Variants in TEX2 observed in about 807,000 individuals in gnomAD.
TEX2 encodes testis expressed 2.
TEX2 carries 53 observed loss-of-function variants against 106.9 expected under a neutral mutation model. The ratio of observed to expected loss-of-function variants is 0.50; its 90% CI spans 0.40 to 0.62. The LOEUF is 0.62. Among genes scored for constraint, TEX2 ranks in the 20% least tolerant of loss-of-function variants. The pLI, the probability that TEX2 is intolerant of heterozygous loss-of-function variation, is 0.00. For missense variants in TEX2, 1,207 were observed against 1,379.0 expected (o/e 0.88, Z 1.98); for synonymous variants, 523 against 534.8 (o/e 0.98, Z 0.30).
chr17:64,152,408 C>T (rs1233564910), intron 10 of TEX2, among the ~76,000 whole-genome samples: 1 of 152,114 alleles, frequency 6.6e-6, no homozygotes, highest in African/African-American at 2.4e-5. Context: ...GCTGAGAATC[C>T]AGTCCTCAGA....
Position 64,241,884 on chromosome 17 carries a change from C to T in TEX2, c.-26+21284G>A, listed in dbSNP as rs115423921. ...CTCGGCTCATGTAATCTTCCTGCCT[C>T]AGCCTCCCAAAGAGCTGGGATTACA... On this transcript the variant is annotated intron_variant, in intron 1 of 11. Coordinates refer to ENST00000584379, the MANE Select transcript of TEX2 (RefSeq NM_001288732.2). Among the ~76,000 whole-genome samples, 814 of 152,322 alleles carry T rather than the reference C, an allele frequency of 5.3e-3. 11 individuals are homozygous for T. Among genetic ancestry groups the T allele is most frequent in the African/African-American group, 0.018 (737 of 41,566 alleles).
At chr17:64,224,050 A>G (rs558034184) in intron 1 of TEX2, among the ~76,000 whole-genome samples, 1 of 152,328 alleles carries the variant, frequency 6.6e-6, no homozygotes, top group South Asian at 2.1e-4. Flanking sequence ...TGTAAAATTC[A>G]GCCTGTTAGG....
chr17:64,171,366 A>C (rs1043051575), intron 6 of TEX2, among the ~76,000 whole-genome samples, 167 bp from the exon 7 acceptor site: 28 of 152,326 alleles, frequency 1.8e-4, no homozygotes, highest in Non-Finnish European at 3.2e-4. Flanking sequence ...TTCGTACTCC[A>C]GACAGAGCCA....
chr17:64,160,957 A>G (rs751362617), intron 7 of TEX2, 24 bp from the exon 8 acceptor site: 1 of 1,602,366 alleles, frequency 6.2e-7, no homozygotes, highest in South Asian at 1.1e-5. Context: ...GAAAAAACAG[A>G]AGGTTTTTTT....
At chr17:64,160,651 C>A in intron 8 of TEX2, 150 bp downstream of exon 8, 2 of 1,044,182 alleles carry the variant, frequency 1.9e-6, no homozygotes, top group South Asian at 1.6e-5. Flanking sequence ...ACTAGGAAAC[C>A]ATTCCCTGAA....
chr17:64,154,826 G>GCAC lies in TEX2; in HGVS notation c.2930+13_2930+15dup. On this transcript the variant is annotated intron_variant, in intron 9 of 11. Transcript: ENST00000584379. The stretch of plus-strand genomic sequence containing the variant: ...TCCCTGGAGACTCAGAGGCACAGAA[G>GCAC]CACTGATCCACTCACCCTTCAGCCC... 1 of 1,579,310 alleles carries GCAC rather than the reference G, an allele frequency of 6.3e-7. No homozygotes were observed. Among genetic ancestry groups the GCAC allele is most frequent in the Non-Finnish European group, 8.6e-7 (1 of 1,163,392 alleles).
chr17:64,259,914 T>C (rs569034131), intron 1 of TEX2, among the ~76,000 whole-genome samples: 4 of 152,340 alleles, frequency 2.6e-5, no homozygotes, highest in Non-Finnish European at 4.4e-5. Context: ...ATGCTTTTTT[T>C]CCCCAGGAAT....
At chr17:64,197,110 G>A (rs1250094607) in intron 2 of TEX2, among the ~76,000 whole-genome samples, 1 of 146,852 alleles carries the variant, frequency 6.8e-6, no homozygotes, top group African/African-American at 2.5e-5. Context: ...GTGTTTTTTG[G>A]TATTAATGAG....
chr17:64,212,549 A>G, intron 2 of TEX2, 25 bp downstream of exon 2: 1 of 1,591,214 alleles, frequency 6.3e-7, no homozygotes, highest in Non-Finnish European at 8.6e-7. Context: ...TGTGTGTACT[A>G]GCCAGCTCCC....
Position 64,233,791 on chromosome 17 carries a change from T to C in TEX2, c.-25-19549A>G, listed in dbSNP as rs142386424. Among the ~76,000 whole-genome samples, 800 of 152,326 alleles carry C rather than the reference T, an allele frequency of 5.3e-3. 11 individuals are homozygous for C. Among genetic ancestry groups the C allele is most frequent in the African/African-American group, 0.018 (740 of 41,566 alleles). On this transcript the variant is annotated intron_variant, in intron 1 of 11. Transcript: ENST00000584379. ...AAAGAAGGGCAAGTCTCTATCAAGG[T>C]CAATGAACTCATTTAAAATATCTGA...
In TEX2 at chr17:64,207,131, A is replaced by G. The variant is rs552477560; in HGVS notation, c.1644+5443T>C. 5.6e-4 allele frequency among the ~76,000 whole-genome samples: 86 copies of G among 152,354 alleles called. 1 individual carries two copies. In the South Asian group the frequency reaches 0.017, roughly 31 times the overall value. Reference sequence around the variant, plus strand: ...CATTCTTTCCTCAGCATGTGAAGTTACACAGAAGAAAAACTGCAATGCTCC... The same window carrying G: ...CATTCTTTCCTCAGCATGTGAAGTTGCACAGAAGAAAAACTGCAATGCTCC... On this transcript the variant is annotated intron_variant, in intron 2 of 11. Transcript: ENST00000584379.
At chr17:64,192,123 G>A (rs965038442) in intron 4 of TEX2, among the ~76,000 whole-genome samples, 6 of 152,140 alleles carry the variant, frequency 3.9e-5, no homozygotes, top group African/African-American at 1.4e-4. Context: ...GGAGAGCTAG[G>A]CAGTGCCTGG....
chr17:64,253,983 G>T (rs1231548322), intron 1 of TEX2, among the ~76,000 whole-genome samples: 1 of 152,096 alleles, frequency 6.6e-6, no homozygotes, highest in Non-Finnish European at 1.5e-5. Flanking sequence ...TGAGCCCCTG[G>T]GTGTTGCCTA....
chr17:64,252,763 C>T (rs531578510), intron 1 of TEX2, among the ~76,000 whole-genome samples: 2 of 151,976 alleles, frequency 1.3e-5, no homozygotes, highest in East Asian at 1.9e-4. Flanking sequence ...GTATATAACG[C>T]GGAGCAAAAT....
At chr17:64,248,554 A>G (rs2034032098) in intron 1 of TEX2, among the ~76,000 whole-genome samples, 2 of 152,352 alleles carry the variant, frequency 1.3e-5, no homozygotes, top group South Asian at 4.1e-4. Flanking sequence ...AAATAAATGC[A>G]GGTATAGCCT....
chr17:64,181,827 T>TTA (rs1182884070), intron 5 of TEX2, among the ~76,000 whole-genome samples: 2 of 151,150 alleles, frequency 1.3e-5, no homozygotes, highest in Non-Finnish European at 3.0e-5. Context: ...GTTTTGTATT[T>TTA]TTTTTTTTTT....
At position 64,185,351 on chromosome 17, in the gene TEX2, C is replaced by T. The variant is rs1359244636; in HGVS notation, c.2424+2817G>A. On this transcript the variant is annotated intron_variant, in intron 5 of 11. Coordinates refer to ENST00000584379, the MANE Select transcript of TEX2 (RefSeq NM_001288732.2). This position sits in a 1 kb window ranked among gnomAD's most constrained non-coding sequence, Gnocchi z 4.0. The stretch of plus-strand genomic sequence containing the variant: ...GCAGGGCACACAGAACCAGCAGCCT[C>T]CCTGGACTCACACCCCTGAGCAAAT... Among the ~76,000 whole-genome samples, 1 of 152,330 alleles carries T rather than the reference C, an allele frequency of 6.6e-6. No homozygotes were observed. The highest frequency in any genetic ancestry group is 1.9e-4 in the East Asian group (1 of 5,190).
chr17:64,212,759 G>C lies in TEX2; in HGVS notation c.1459C>G (p.Leu487Val), dbSNP rs781845561. The C allele has an allele frequency of 3.1e-6, 5 of 1,614,152 alleles. No homozygotes were observed. The South Asian group carries it at 5.5e-5, about 18-fold the overall frequency. ...GFFIMCVYVY[L>V]ILPLPHYVSG... Reference sequence around the variant, plus strand: ...ACATAGTGGGGGAGGGGGAGGATGAGGTACACATAGACACACATTATAAAG... The same window carrying C: ...ACATAGTGGGGGAGGGGGAGGATGACGTACACATAGACACACATTATAAAG... Residue 487 changes from leucine (L) to valine (V), a missense_variant, in exon 2 of 12, where the codon CTC becomes GTC. By Grantham distance (32) the Leu-to-Val change is conservative. This residue lies in a region of TEX2 where 1,067 missense variants were observed against 1,193.6 expected (regional missense o/e 0.89). Coordinates refer to ENST00000584379, the MANE Select transcript of TEX2 (RefSeq NM_001288732.2).
At chr17:64,182,756 G>A (rs187762069) in intron 5 of TEX2, among the ~76,000 whole-genome samples, 1 of 152,032 alleles carries the variant, frequency 6.6e-6, no homozygotes, top group Non-Finnish European at 1.5e-5. Context: ...CCTCACTAAT[G>A]TTTTCAAGGC....
Sources: gnomAD v4.1 joint callset for allele counts (sites outside exome capture counted in the v4.1 genomes callset) on GRCh38, gnomAD v4.1.1 for gene constraint, gnomAD v4.1.1 regional missense constraint, Gnocchi (gnomAD v3.1) non-coding constraint, MANE v1.5 for transcripts, NCBI Gene and HGNC (gene_info 2026-07-23, HGNC 2026-07-21) for gene names.